GSN: variants seen among roughly 807,000 people sequenced by gnomAD.
The protein encoded by GSN is actin-depolymerizing factor.
Under a neutral mutation model 85.7 loss-of-function variants are expected in GSN, and 56 were observed. That is an observed-to-expected ratio of 0.65 (90% confidence interval 0.53 to 0.82). GSN has a LOEUF of 0.82. GSN is among the 40% of genes least tolerant of loss of function. The pLI, the probability that GSN is intolerant of heterozygous loss-of-function variation, is 0.00. For missense variants in GSN, 857 were observed against 979.8 expected (o/e 0.87, Z 1.67); for synonymous variants, 373 against 399.1 (o/e 0.93, Z 0.78).
At chr9:121,210,163 G>T (rs894173790) in intron 2 of GSN, 1 of 152,178 alleles carries the variant, frequency 6.6e-6, no homozygotes, top group African/African-American at 2.4e-5. Flanking sequence ...TATCACAAAG[G>T]TGTGCTTCTT....
Position 121,301,805 on chromosome 9 carries a change from G to C in GSN, c.-9-158G>C. ...CTTGCCCTGTTTGCTGACTCGTTGA[G>C]ACAGGGTGCCCAGAAGGGGATAGAC... On this transcript the variant is annotated intron_variant, in intron 2 of 17. Transcript: ENST00000432226. 6.1e-6 allele frequency: 7 copies of C among 1,147,468 alleles called. No individual in the cohort carries two copies. In the South Asian group the frequency reaches 9.2e-5, roughly 15 times the overall value. The allele number at this position is 1,147,468 out of a possible 1,614,324, so 71.1% of individuals were successfully genotyped here.
chr9:121,239,416 G>A (rs2054559171), intron 5 of GSN: 1 of 422,114 alleles, frequency 2.4e-6, no homozygotes, highest in African/African-American at 2.1e-5. Flanking sequence ...GAACCAGGCA[G>A]TTTCCATGTT....
upstream of GSN, among the ~76,000 whole-genome samples, chr9:121,206,599 A>C (rs995025180): frequency 1.3e-5 from 2 of 152,136 alleles, no homozygotes; most frequent in Non-Finnish European, 2.9e-5. Context: ...AATGAGGTAA[A>C]AAGCAAGCTT....
chr9:121,290,705 C>T (rs529129681), intron 2 of GSN, among the ~76,000 whole-genome samples: 6 of 152,314 alleles, frequency 3.9e-5, no homozygotes, highest in South Asian at 4.1e-4. Flanking sequence ...CTTTCAATGA[C>T]GAAAACTGCA....
intron 14 of GSN, among the ~76,000 whole-genome samples, chr9:121,327,899 G>C (rs2063422057): frequency 6.6e-6 from 1 of 152,130 alleles, no homozygotes; most frequent in Admixed American, 6.5e-5. Context: ...ACTTCAACCC[G>C]AGAGTTGGAG....
intron 2 of GSN, chr9:121,286,449 C>G: frequency 1.4e-6 from 1 of 700,468 alleles, no homozygotes; most frequent in South Asian, 2.0e-5. Context: ...AAACTGTTTA[C>G]GCTTCCTTGT....
At chr9:121,215,436 A>G (rs2054045064) in intron 4 of GSN, among the ~76,000 whole-genome samples, 1 of 152,068 alleles carries the variant, frequency 6.6e-6, no homozygotes, top group Non-Finnish European at 1.5e-5. Context: ...GCTCACACTT[A>G]TAATCCCAGC....
intron 4 of GSN, among the ~76,000 whole-genome samples, chr9:121,211,847 A>G (rs964157650): frequency 6.6e-6 from 1 of 152,130 alleles, no homozygotes; most frequent in African/African-American, 2.4e-5. Flanking sequence ...AAAAAAATAT[A>G]TTTTTTGAAG....
Position 121,299,798 on chromosome 9 carries a change from G to A in GSN, c.-9-2165G>A. ...CCGGCTTGGGCGGGATGGGCGGGCGGCTACTTAAGGTCGGCGACCCGAGGC... is the reference window on the plus strand; with the variant it reads ...CCGGCTTGGGCGGGATGGGCGGGCGACTACTTAAGGTCGGCGACCCGAGGC... On this transcript the variant is annotated intron_variant, in intron 2 of 17. Coordinates refer to ENST00000432226, the MANE Select transcript of GSN (RefSeq NM_198252.3). This position sits in a 1 kb window ranked among gnomAD's most constrained non-coding sequence, Gnocchi z 4.2. The A allele has an allele frequency of 1.6e-6, 2 of 1,263,572 alleles. No individual in the cohort carries two copies. The highest frequency in any genetic ancestry group is 2.0e-6 in the Non-Finnish European group (2 of 997,036). The allele number at this position is 1,263,572 out of a possible 1,614,324, so 78.3% of individuals were successfully genotyped here. A position where few individuals can be genotyped will look rare whatever the true frequency, so the allele number is the denominator to read the frequency against.
intron 4 of GSN, among the ~76,000 whole-genome samples, chr9:121,227,389 A>G (rs1310649912): frequency 6.6e-6 from 1 of 151,750 alleles, no homozygotes; most frequent in African/African-American, 2.4e-5. Flanking sequence ...GCGAGACTCC[A>G]TCTAAAAAAA....
rs541597570 is a variant in GSN at position 121,317,463 on chromosome 9, AC to A, written c.886+246del. The A allele has an allele frequency of 1.1e-3, 543 of 513,346 alleles. 3 individuals are homozygous for A. In the Middle Eastern group the frequency reaches 0.012, roughly 11 times the overall value. The allele number at this position is 513,346 out of a possible 1,614,324, so 31.8% of individuals were successfully genotyped here. On this transcript the variant is annotated intron_variant, in intron 8 of 17. Coordinates refer to ENST00000432226, the MANE Select transcript of GSN (RefSeq NM_198252.3). ...ATGGGTGTTTCCCAAGTGCATTATA[AC>A]GTCAGTTCTCTGAGAGGCTAATTGG...
intron 6 of GSN, 197 bp from the exon 7 acceptor site, chr9:121,313,737 G>C (rs1201066630): frequency 2.6e-5 from 16 of 623,434 alleles, no homozygotes; most frequent in Non-Finnish European, 4.6e-5. Flanking sequence ...TCTGAGTCAG[G>C]GAGACAAGGT....
chr9:121,271,900 C>T (rs1011735328), intron 1 of GSN, among the ~76,000 whole-genome samples: 9 of 152,232 alleles, frequency 5.9e-5, no homozygotes, highest in Admixed American at 2.6e-4. Context: ...CCCTTTTCAT[C>T]AATCAAGCTT....
intron 5 of GSN, 124 bp downstream of exon 5, chr9:121,310,969 T>C (rs1295062227): frequency 1.2e-6 from 1 of 827,984 alleles, no homozygotes; most frequent in African/African-American, 1.7e-5. Context: ...ACCAGCATTG[T>C]TCACGTACAG....
At chr9:121,274,650 C>A (rs943875482) in intron 1 of GSN, among the ~76,000 whole-genome samples, 12 of 152,082 alleles carry the variant, frequency 7.9e-5, no homozygotes, top group African/African-American at 2.9e-4. Context: ...ACAGCATGGG[C>A]GAGTGGGAAT....
Position 121,211,152 on chromosome 9 carries a change from G to A in GSN, c.-528+285G>A, listed in dbSNP as rs144789981. Among the ~76,000 whole-genome samples, 318 of 152,314 alleles carry A rather than the reference G, an allele frequency of 2.1e-3. 2 individuals are homozygous for A. Among genetic ancestry groups the A allele is most frequent in the African/African-American group, 7.3e-3 (302 of 41,552 alleles). The stretch of plus-strand genomic sequence containing the variant: ...ATACAGAGACACAGAAAATTGGAAG[G>A]TGGTTCCCCTGGGGGTAGAGGAATG... On this transcript the variant is annotated intron_variant, in intron 4 of 24. Transcript: ENST00000373823.
At chr9:121,288,807 C>CA (rs1267873859) in intron 2 of GSN, among the ~76,000 whole-genome samples, 1 of 151,720 alleles carries the variant, frequency 6.6e-6, no homozygotes, top group African/African-American at 2.4e-5. Flanking sequence ...ACACGGCATT[C>CA]AAGAGATAGT....
chr9:121,286,756 T>G lies in GSN; in HGVS notation c.-10+5194T>G, dbSNP rs1403541213. 4.6e-6 allele frequency: 7 copies of G among 1,535,008 alleles called. No individual in the cohort carries two copies. The African/African-American group carries it at 9.6e-5, about 21-fold the overall frequency. The stretch of plus-strand genomic sequence containing the variant: ...ATGAGAGCTGATCTTCATGCCACTG[T>G]GTACAGTAGGTATTTTTTAAAGGTG... On this transcript the variant is annotated intron_variant, in intron 2 of 17. Transcript: ENST00000432226.
chr9:121,261,161 A>G lies in GSN; in HGVS notation c.-340-3993A>G, dbSNP rs1232209087. Among the ~76,000 whole-genome samples, 1 of 152,248 alleles carries G rather than the reference A, an allele frequency of 6.6e-6. No homozygotes were observed. The highest frequency in any genetic ancestry group is 2.4e-5 in the African/African-American group (1 of 41,470). On this transcript the variant is annotated intron_variant, in intron 6 of 24. Coordinates refer to the GSN transcript ENST00000373823. The surrounding 1 kb of genome is among the most constrained non-coding windows in gnomAD (Gnocchi z 4.1). ...CATCCCACTGGTGGCCTGCGGGGAC[A>G]GCTGAATGCCTTCTGGTCCGCTGAG...
Sources: allele counts gnomAD v4.1 joint callset (sites outside exome capture counted in the v4.1 genomes callset), GRCh38; gene constraint gnomAD v4.1.1; non-coding constraint Gnocchi (gnomAD v3.1); transcripts MANE v1.5; gene names NCBI Gene and HGNC (gene_info 2026-07-23, HGNC 2026-07-21).